The following SPATA18 variants were observed in gnomAD, a reference collection of about 807,000 sequenced individuals.
SPATA18 encodes mitochondria-eating protein.
A neutral mutation model predicts 68.1 loss-of-function variants in SPATA18; 54 were observed. The observed-to-expected ratio is 0.79, with a 90% CI of 0.64 to 0.99. The LOEUF is 0.99. Among genes scored for constraint, SPATA18 ranks in the 50% least tolerant of loss-of-function variants. The pLI is 0.00. For missense variants in SPATA18, 724 were observed against 681.1 expected (o/e 1.06, Z -0.70); for synonymous variants, 242 against 244.8 (o/e 0.99, Z 0.11).
intron 11 of SPATA18, among the ~76,000 whole-genome samples, chr4:52,086,537 T>G (rs767333532): frequency 3.9e-5 from 6 of 152,184 alleles, no homozygotes; most frequent in Non-Finnish European, 7.3e-5. Flanking sequence ...GATCTTATGA[T>G]AGTTTGCTGA....
In SPATA18 at chr4:52,072,160, A is replaced by G. The variant is rs756455553; in HGVS notation, c.758+4A>G. 12 of 1,613,498 alleles carry G rather than the reference A, an allele frequency of 7.4e-6. No homozygotes were observed. Among genetic ancestry groups the G allele is most frequent in the African/African-American group, 1.3e-5 (1 of 74,862 alleles). ...AGAAAAGTGCACTCCAAGGAAGGTC[A>G]GACAAACTCTCAAAGATCTTCTCAT... On this transcript the variant is annotated splice_donor_region_variant and intron_variant, in intron 6 of 12. Coordinates refer to ENST00000295213, the MANE Select transcript of SPATA18 (RefSeq NM_145263.4).
In SPATA18 at chr4:52,076,861, G is replaced by A. The variant is rs763491749; in HGVS notation, c.841G>A (p.Val281Ile). ...CAGATCTGCCAGCCCCTCCACCGCT[G>A]TCAAGGTCAGGAGACCGTCCCCAAA... ...RSRSASPSTA[V>I]KVRRPSPNRS... The change falls in exon 7 of 13, where the codon GTC (valine) becomes ATC (isoleucine). Residue 281 changes from valine (V) to isoleucine (I), a missense_variant. By Grantham distance (29) the Val-to-Ile change is conservative. Coordinates refer to ENST00000295213, the MANE Select transcript of SPATA18 (RefSeq NM_145263.4). 1 of 1,614,236 alleles carries A rather than the reference G, an allele frequency of 6.2e-7. No individual in the cohort carries two copies. Among genetic ancestry groups the A allele is most frequent in the African/African-American group, 1.3e-5 (1 of 75,068 alleles).
At chr4:52,076,687 G>A (rs1740375780) in intron 6 of SPATA18, 92 bp from the exon 7 acceptor site, 3 of 1,545,260 alleles carry the variant, frequency 1.9e-6, no homozygotes, top group Non-Finnish European at 2.6e-6. Context: ...TTTTGCCTCC[G>A]GATGGTCGGA....
Position 52,095,189 on chromosome 4 carries a change from C to G in SPATA18, c.*302C>G, listed in dbSNP as rs540622286. The stretch of plus-strand genomic sequence containing the variant: ...TTACAAAGGTTCAAGATTTCCATCT[C>G]AAAACACTACGCTCTTTTATGGGAA... On this transcript the variant is annotated 3_prime_UTR_variant, in exon 13 of 13. Coordinates refer to ENST00000295213, the MANE Select transcript of SPATA18 (RefSeq NM_145263.4). The G allele has an allele frequency of 1.9e-4, 82 of 441,918 alleles. No individual in the cohort carries two copies. The highest frequency in any genetic ancestry group is 1.3e-3 in the African/African-American group (63 of 49,912). The allele number at this position is 441,918 out of a possible 1,614,324, so 27.4% of individuals were successfully genotyped here. A position where few individuals can be genotyped will look rare whatever the true frequency, so the allele number is the denominator to read the frequency against.
At chr4:52,068,241 G>GT (rs1303848305) in intron 4 of SPATA18, among the ~76,000 whole-genome samples, 2 of 151,934 alleles carry the variant, frequency 1.3e-5, no homozygotes, top group African/African-American at 4.8e-5. Flanking sequence ...AAATATATTA[G>GT]TTTCCTTTCA....
chr4:52,060,340 CA>C (rs1738719257), intron 1 of SPATA18, 78 bp from the exon 2 acceptor site: 1 of 1,173,266 alleles, frequency 8.5e-7, no homozygotes, highest in South Asian at 1.4e-5. Context: ...GCTCGTGGGT[CA>C]AGTGAGGCCC....
chr4:52,077,110 A>G, intron 7 of SPATA18, 70 bp downstream of exon 7: 1 of 1,482,062 alleles, frequency 6.7e-7, no homozygotes. Flanking sequence ...CGTGAATGGA[A>G]CAACTTACAA....
chr4:52,087,623 G>T (rs1254542712), intron 11 of SPATA18, among the ~76,000 whole-genome samples: 1 of 152,006 alleles, frequency 6.6e-6, no homozygotes, highest in East Asian at 1.9e-4. Context: ...TGTTCCATTG[G>T]TCTATATATC....
chr4:52,065,064 G>A (rs1171854247), intron 4 of SPATA18, among the ~76,000 whole-genome samples: 1 of 151,988 alleles, frequency 6.6e-6, no homozygotes, highest in Non-Finnish European at 1.5e-5. Context: ...TTGGCTGTTT[G>A]TGTATCTTCT....
intron 11 of SPATA18, 116 bp from the exon 12 acceptor site, chr4:52,094,410 TA>T: frequency 2.3e-6 from 2 of 860,958 alleles, no homozygotes; most frequent in Non-Finnish European, 3.8e-6. Context: ...ATCATAGTGC[TA>T]AAGTGCCTCA....
chr4:52,071,140 G>C (rs1739802449), intron 5 of SPATA18, among the ~76,000 whole-genome samples: 1 of 152,118 alleles, frequency 6.6e-6, no homozygotes, highest in Non-Finnish European at 1.5e-5. Flanking sequence ...TTGTAGTGCA[G>C]CTTTTCATTC....
At position 52,077,035 on chromosome 4, in the gene SPATA18, A is replaced by G; in HGVS notation, c.1015A>G (p.Thr339Ala). 5 of 1,601,914 alleles carry G rather than the reference A, an allele frequency of 3.1e-6. No individual in the cohort carries two copies. Among genetic ancestry groups the G allele is most frequent in the South Asian group, 1.1e-5 (1 of 89,296 alleles). Residue 339 changes from threonine to alanine, a missense_variant, in exon 7 of 13, where the codon ACA becomes GCA. Physicochemically the swap from Thr to Ala is moderately conservative, Grantham distance 58 (BLOSUM62 0). Transcript: ENST00000295213. ...CGTTCAGCGGATCATCTACATCGCCACAGTGGTATGTGACGCCTGCGGGAC... is the reference window on the plus strand; with the variant it reads ...CGTTCAGCGGATCATCTACATCGCCGCAGTGGTATGTGACGCCTGCGGGAC... The part of the protein sequence containing the change: ...ETVQRIIYIA[T>A]VEAFHVAKMA...
Position 52,069,848 on chromosome 4 carries a change from A to G in SPATA18, c.450A>G (p.Glu150=), listed in dbSNP as rs766466759. The part of the protein sequence containing the change: ...DDLVETEKNL[E]ESKNRSAISL... ...TGGTTGAAACTGAAAAGAATCTTGA[A>G]GAAAGCAAGAACAGATCGGCCATAT... Residue 150 remains glutamate (E), a synonymous_variant, in exon 5 of 13, where the codon GAA becomes GAG. Transcript: ENST00000295213. The G allele has an allele frequency of 1.9e-6, 3 of 1,592,230 alleles. No homozygotes were observed. The highest frequency in any genetic ancestry group is 2.6e-6 in the Non-Finnish European group (3 of 1,166,470).
At chr4:52,090,573 A>T (rs1741844312) in intron 11 of SPATA18, among the ~76,000 whole-genome samples, 1 of 152,142 alleles carries the variant, frequency 6.6e-6, no homozygotes, top group African/African-American at 2.4e-5. Flanking sequence ...ATTCTGGGTT[A>T]AAAATTCTTT....
At chr4:52,071,727 T>A (rs1374216805) in intron 5 of SPATA18, among the ~76,000 whole-genome samples, 190 bp from the exon 6 acceptor site, 1 of 152,194 alleles carries the variant, frequency 6.6e-6, no homozygotes, top group African/African-American at 2.4e-5. Flanking sequence ...ACCCTGGCCC[T>A]GGCAGTTCTG....
intron 9 of SPATA18, among the ~76,000 whole-genome samples, 160 bp from the exon 10 acceptor site, chr4:52,082,227 C>A (rs528168696): frequency 1.3e-5 from 2 of 152,288 alleles, no homozygotes; most frequent in South Asian, 2.1e-4. Flanking sequence ...ATCATTAGTT[C>A]CTATTCTAAG....
At chr4:52,076,613 G>T (rs55839120) in intron 6 of SPATA18, among the ~76,000 whole-genome samples, 166 bp from the exon 7 acceptor site, 74,553 of 152,044 alleles carry the variant, frequency 0.49, 21,815 homozygotes, top group Non-Finnish European at 0.66. Flanking sequence ...CAGAAGTCTG[G>T]TACCAGATGC....
At chr4:52,083,513 G>A in intron 10 of SPATA18, 1 of 979,224 alleles carries the variant, frequency 1.0e-6, no homozygotes, top group Non-Finnish European at 1.2e-6. Context: ...ACTTTGGGAA[G>A]CCAAGGCAGG....
intron 1 of SPATA18, among the ~76,000 whole-genome samples, chr4:52,054,320 A>G (rs374044692): frequency 4.0e-4 from 61 of 152,250 alleles, no homozygotes; most frequent in African/African-American, 1.3e-3. Context: ...TCACCTGTTG[A>G]TATTTGAGTG....
Sources: allele counts gnomAD v4.1 joint callset (sites outside exome capture counted in the v4.1 genomes callset), GRCh38; gene constraint gnomAD v4.1.1; transcripts MANE v1.5; gene names NCBI Gene and HGNC (gene_info 2026-07-23, HGNC 2026-07-21).